BCL11B: variants seen among roughly 807,000 people sequenced by gnomAD.
BCL11B encodes the protein B-cell lymphoma/leukemia 11B.
BCL11B carries 8 observed loss-of-function variants against 49.9 expected under a neutral mutation model. The observed-to-expected ratio is 0.16, with a 90% confidence interval of 0.09 to 0.29. BCL11B has a LOEUF of 0.29. Ranked by LOEUF, BCL11B falls within the 10% of genes least tolerant of loss-of-function variation. BCL11B has a pLI of 1.00. For missense variants in BCL11B, 1,006 were observed against 1,351.0 expected (o/e 0.74, Z 4.00); for synonymous variants, 739 against 637.4 (o/e 1.16, Z -2.40).
At chr14:99,234,855 CAAAAAAAAAA>C (rs34831762) in intron 2 of BCL11B, among the ~76,000 whole-genome samples, 4 of 66,638 alleles carry the variant, frequency 6.0e-5, no homozygotes, top group East Asian at 4.1e-4. Context: ...GGTCTATGCA[CAAAAAAAAAA>C]AAAAAAAAAA....
intron 3 of BCL11B, among the ~76,000 whole-genome samples, chr14:99,187,759 G>C (rs569867104): frequency 9.0e-6 from 1 of 111,322 alleles, no homozygotes; most frequent in South Asian, 3.9e-4. Flanking sequence ...AGTCTCCCCA[G>C]AAGCACCCCA....
intron 2 of BCL11B, among the ~76,000 whole-genome samples, chr14:99,256,557 C>T: frequency 6.6e-6 from 1 of 152,324 alleles, no homozygotes; most frequent in Non-Finnish European, 1.5e-5. Flanking sequence ...CTTTCTCCCC[C>T]AGGCCTCCTG....
At chr14:99,206,532 C>A (rs1323105981) in intron 3 of BCL11B, among the ~76,000 whole-genome samples, 2 of 152,244 alleles carry the variant, frequency 1.3e-5, no homozygotes, top group African/African-American at 4.8e-5. Flanking sequence ...CTCTGTCCAG[C>A]ATATCCATGC....
In BCL11B at chr14:99,174,950, C is replaced by T; in HGVS notation, c.1886G>A (p.Gly629Asp). ...GTCGTCGTCGCCCGCGTCCCCGCCG[C>T]CCGCCGCACGCTTCAGGAAGGCGCC... is the stretch of plus-strand genomic sequence containing the variant. The part of the protein sequence containing the change: ...KRGAFLKRAA[G>D]GGDAGDDDDA... The change falls in exon 4 of 4, where the codon GGC (glycine) becomes GAC (aspartate). Residue 629 changes from glycine to aspartate, a missense_variant. This residue lies in a region of BCL11B where 443 missense variants were observed against 499.7 expected (regional missense o/e 0.89). Coordinates refer to ENST00000357195, the MANE Select transcript of BCL11B (RefSeq NM_138576.4). 3 of 1,457,404 alleles carry T rather than the reference C, an allele frequency of 2.1e-6. No individual in the cohort carries two copies. Among genetic ancestry groups the T allele is most frequent in the South Asian group, 1.3e-5 (1 of 77,424 alleles). 90.3% of individuals were successfully genotyped at this position (1,457,404 alleles called of 1,614,324 possible). A position where few individuals can be genotyped will look rare whatever the true frequency, so the allele number is the denominator to read the frequency against.
rs1269328098 is a variant in BCL11B at position 99,172,212 on chromosome 14, T to G, written c.*1939A>C. The G allele has an allele frequency of 4.5e-6, 1 of 224,336 alleles. No individual in the cohort carries two copies. The highest frequency in any genetic ancestry group is 6.5e-5 in the East Asian group (1 of 15,474). 13.9% of individuals were successfully genotyped at this position (224,336 alleles called of 1,614,324 possible). A position where few individuals can be genotyped will look rare whatever the true frequency, so the allele number is the denominator to read the frequency against. The stretch of plus-strand genomic sequence containing the variant: ...TTGCTTTTCATTCAACGATATCAAC[T>G]TGTAACTTGTGTCACTTGAGTTTTA... On this transcript the variant is annotated 3_prime_UTR_variant, in exon 4 of 4. Coordinates refer to ENST00000357195, the MANE Select transcript of BCL11B (RefSeq NM_138576.4).
In BCL11B at chr14:99,213,455, C is replaced by G. The variant is rs1225468950; in HGVS notation, c.640+17890G>C. ...CGAGGAACACCAAAATGACTCTCATCTGGACTGGTATGACTCATGTTTTTA... is the reference window on the plus strand; with the variant it reads ...CGAGGAACACCAAAATGACTCTCATGTGGACTGGTATGACTCATGTTTTTA... On this transcript the variant is annotated intron_variant, in intron 3 of 3. Coordinates refer to ENST00000357195, the MANE Select transcript of BCL11B (RefSeq NM_138576.4). This position sits in a 1 kb window ranked among gnomAD's most constrained non-coding sequence, Gnocchi z 5.1. 6.6e-6 allele frequency among the ~76,000 whole-genome samples: 1 copy of G among 152,196 alleles called. No homozygotes were observed.
At chr14:99,182,826 T>C (rs1886746836) in intron 3 of BCL11B, among the ~76,000 whole-genome samples, 1 of 152,210 alleles carries the variant, frequency 6.6e-6, no homozygotes, top group Non-Finnish European at 1.5e-5. Flanking sequence ...CAGGCAGTCA[T>C]TGCCAAATAA....
chr14:99,204,408 C>G (rs559131109), intron 3 of BCL11B, among the ~76,000 whole-genome samples: 333 of 152,344 alleles, frequency 2.2e-3, no homozygotes, highest in African/African-American at 7.3e-3. Context: ...GCTCTTCCAT[C>G]TGCAGTGGCC....
rs1006544266 is a variant in BCL11B at position 99,255,424 on chromosome 14, A to C, written c.427+2047T>G. 5.0e-4 allele frequency among the ~76,000 whole-genome samples: 76 copies of C among 150,728 alleles called. 2 individuals are homozygous for C. The highest frequency in any genetic ancestry group is 7.7e-4 in the East Asian group (4 of 5,184). ...AACCTGGAAAAAAAAAAAAAAAAAA[A>C]AAAAAAAAAAACAGGGGGGCCAGGG... is the stretch of plus-strand genomic sequence containing the variant. On this transcript the variant is annotated intron_variant, in intron 2 of 3. Coordinates refer to ENST00000357195, the MANE Select transcript of BCL11B (RefSeq NM_138576.4).
At chr14:99,244,920 A>T (rs1430881100) in intron 2 of BCL11B, among the ~76,000 whole-genome samples, 1 of 152,222 alleles carries the variant, frequency 6.6e-6, no homozygotes, top group Non-Finnish European at 1.5e-5. Context: ...CTCTTGTTAT[A>T]GCAAATCAAT....
At chr14:99,220,859 T>A (rs1002448731) in intron 3 of BCL11B, among the ~76,000 whole-genome samples, 2 of 152,156 alleles carry the variant, frequency 1.3e-5, no homozygotes, top group Non-Finnish European at 2.9e-5. Context: ...TTATTTATTT[T>A]TTTTATTTTT....
Position 99,175,630 on chromosome 14 carries a change from C to A in BCL11B, c.1206G>T (p.Pro402=). 1 of 1,561,116 alleles carries A rather than the reference C, an allele frequency of 6.4e-7. No individual in the cohort carries two copies. The change falls in exon 4 of 4, where the codon CCG becomes CCT. Residue 402 remains proline, a synonymous_variant. Coordinates refer to ENST00000357195, the MANE Select transcript of BCL11B (RefSeq NM_138576.4). ...LNPFQPSPKS[P]FLSTPPLPPM... ...GCGGCAGCGGCGGCGTGCTCAGGAA[C>A]GGGGACTTGGGGCTGGGCTGGAAGG... is the stretch of plus-strand genomic sequence containing the variant.
chr14:99,231,679 C>A lies in BCL11B; in HGVS notation c.428-122G>T. The A allele has an allele frequency of 9.6e-7, 1 of 1,043,510 alleles. No homozygotes were observed. The highest frequency in any genetic ancestry group is 1.5e-5 in the South Asian group (1 of 67,624). The allele number at this position is 1,043,510 out of a possible 1,614,324, so 64.6% of individuals were successfully genotyped here. ...GGCCACCCTTCGGGGGTGGGAGGCC[C>A]CCGGGGTGCCAGGCCCTGCAGGGAA... On this transcript the variant is annotated intron_variant, in intron 2 of 3. Transcript: ENST00000357195. The surrounding 1 kb of genome is among the most constrained non-coding windows in gnomAD (Gnocchi z 8.1).
At chr14:99,225,203 G>C (rs1378961781) in intron 3 of BCL11B, among the ~76,000 whole-genome samples, 1 of 152,230 alleles carries the variant, frequency 6.6e-6, no homozygotes, top group African/African-American at 2.4e-5. Flanking sequence ...GGCCTAGTGG[G>C]CAGACCCAGG....
Position 99,169,607 on chromosome 14 carries a change from C to A in BCL11B, c.*4544G>T, listed in dbSNP as rs773982964. ...GTAAAAGACAAAACCTCCAAGTAAA[C>A]AACAAAAGCTCATACAATAAGTAAT... is the stretch of plus-strand genomic sequence containing the variant. On this transcript the variant is annotated 3_prime_UTR_variant, in exon 4 of 4. Transcript: ENST00000357195. 1 of 209,656 alleles carries A rather than the reference C, an allele frequency of 4.8e-6. No individual in the cohort carries two copies. The highest frequency in any genetic ancestry group is 5.9e-5 in the Admixed American group (1 of 16,944). The allele number at this position is 209,656 out of a possible 1,614,324, so 13.0% of individuals were successfully genotyped here.
chr14:99,206,609 T>C (rs1887540607), intron 3 of BCL11B, among the ~76,000 whole-genome samples: 1 of 152,224 alleles, frequency 6.6e-6, no homozygotes, highest in Admixed American at 6.5e-5. Flanking sequence ...TGTGGTAGTA[T>C]CGCAGTGCTT....
intron 1 of BCL11B, among the ~76,000 whole-genome samples, chr14:99,267,602 A>G (rs575767726): frequency 1.0e-4 from 15 of 149,888 alleles, no homozygotes; most frequent in African/African-American, 3.6e-4. Flanking sequence ...TATGAAATTT[A>G]TCGGAGGCCC....
chr14:99,203,778 T>C (rs1887454022), intron 3 of BCL11B, among the ~76,000 whole-genome samples: 2 of 152,106 alleles, frequency 1.3e-5, no homozygotes, highest in Non-Finnish European at 2.9e-5. Context: ...GAAGGCATCA[T>C]TACAGGCCAG....
Position 99,175,832 on chromosome 14 carries a change from A to G in BCL11B, c.1004T>C (p.Met335Thr). 1 of 1,476,690 alleles carries G rather than the reference A, an allele frequency of 6.8e-7. No homozygotes were observed. Among genetic ancestry groups the G allele is most frequent in the Non-Finnish European group, 8.9e-7 (1 of 1,120,002 alleles). The allele number at this position is 1,476,690 out of a possible 1,614,324, so 91.5% of individuals were successfully genotyped here. A position where few individuals can be genotyped will look rare whatever the true frequency, so the allele number is the denominator to read the frequency against. Residue 335 changes from methionine to threonine, a missense_variant, in exon 4 of 4, where the codon ATG becomes ACG. Physicochemically the swap from Met to Thr is moderately conservative, Grantham distance 81. Transcript: ENST00000357195. ...ACTGGGGTGCTGGGCGACGAGCCCC[A>G]TCTCCTCGGCACTGAGGCGGTGCGG... ...LDPHRLSAEE[M>T]GLVAQHPSAF...
Sources: allele counts gnomAD v4.1 joint callset (sites outside exome capture counted in the v4.1 genomes callset), GRCh38; gene constraint gnomAD v4.1.1; regional missense constraint gnomAD v4.1.1; non-coding constraint Gnocchi (gnomAD v3.1); transcripts MANE v1.5; gene names NCBI Gene and HGNC (gene_info 2026-07-23, HGNC 2026-07-21).